SLC5A4: variants seen among roughly 807,000 people sequenced by gnomAD.
SLC5A4 encodes the protein solute carrier family 5 member 4.
A neutral mutation model predicts 70.3 loss-of-function variants in SLC5A4; 55 were observed. That is an observed-to-expected ratio of 0.78 (90% CI 0.63 to 0.98). The LOEUF is 0.98. Among genes scored for constraint, SLC5A4 ranks in the 50% least tolerant of loss-of-function variants. The pLI, the probability that SLC5A4 is intolerant of heterozygous loss-of-function variation, is 0.00. For missense variants in SLC5A4, 735 were observed against 839.2 expected (o/e 0.88, Z 1.53); for synonymous variants, 268 against 305.7 (o/e 0.88, Z 1.29).
the SLC5A4 span, among the ~76,000 whole-genome samples, chr22:32,335,883 G>A: frequency 6.6e-6 from 1 of 152,204 alleles, no homozygotes; most frequent in Non-Finnish European, 1.5e-5. Context: ...AGCAGGGAGC[G>A]AGCATCCTCC....
At chr22:32,345,838 C>T in the SLC5A4 span, among the ~76,000 whole-genome samples, 3 of 152,178 alleles carry the variant, frequency 2.0e-5, no homozygotes, top group South Asian at 2.1e-4. Context: ...GACATTTATG[C>T]GACCAGCATG....
the SLC5A4 span, among the ~76,000 whole-genome samples, chr22:32,330,129 G>A: frequency 2.3e-5 from 3 of 129,972 alleles, no homozygotes; most frequent in Non-Finnish European, 4.8e-5. Flanking sequence ...AGGCTCTGAT[G>A]TGTCAGGGGG....
the SLC5A4 span, chr22:32,271,017 C>T: frequency 1.8e-6 from 1 of 541,734 alleles, no homozygotes; most frequent in Admixed American, 2.8e-5. Context: ...GAGACTAGCC[C>T]CACAGTCGGT....
chr22:32,329,219 G>A, the SLC5A4 span, among the ~76,000 whole-genome samples: 216 of 152,304 alleles, frequency 1.4e-3, 1 homozygote, highest in African/African-American at 4.9e-3. Flanking sequence ...ACCTGGCAGA[G>A]AGGACCCCAG....
intron 14 of SLC5A4, among the ~76,000 whole-genome samples, chr22:32,219,629 G>GAAAAAA (rs1569363402): frequency 5.8e-4 from 1 of 1,710 alleles, no homozygotes; most frequent in African/African-American, 6.3e-3. Flanking sequence ...ATCCAACTTA[G>GAAAAAA]CAAAAAAAAA....
At chr22:32,245,471 C>T (rs1472723882) in intron 5 of SLC5A4, among the ~76,000 whole-genome samples, 1 of 152,178 alleles carries the variant, frequency 6.6e-6, no homozygotes, top group Non-Finnish European at 1.5e-5. Flanking sequence ...GTGCATTGTC[C>T]TCTGTTCTAT....
intron 11 of SLC5A4, among the ~76,000 whole-genome samples, chr22:32,228,107 G>A (rs748927440): frequency 1.1e-4 from 17 of 152,188 alleles, no homozygotes; most frequent in Non-Finnish European, 2.4e-4. Context: ...GAACTTCTGG[G>A]TGCTGGTAAT....
At chr22:32,268,360 G>A in the SLC5A4 span, 10 of 152,188 alleles carry the variant, frequency 6.6e-5, no homozygotes, top group East Asian at 1.9e-4. Flanking sequence ...TGAAAAACCC[G>A]TGTACCTAAG....
chr22:32,224,179 C>A lies in SLC5A4; in HGVS notation c.1665+88G>T, dbSNP rs1029207103. On this transcript the variant is annotated intron_variant, in intron 13 of 14. Transcript: ENST00000266086. ...TCGTGATCCGCCCGCCTTGGCCTCCCAAAGTGCTGGGATTACAGGCGTGAG... is the reference window on the plus strand; with the variant it reads ...TCGTGATCCGCCCGCCTTGGCCTCCAAAAGTGCTGGGATTACAGGCGTGAG... 3 of 1,027,446 alleles carry A rather than the reference C, an allele frequency of 2.9e-6. No individual in the cohort carries two copies. The Admixed American group carries it at 5.9e-5, about 20-fold the overall frequency. The allele number at this position is 1,027,446 out of a possible 1,614,324, so 63.6% of individuals were successfully genotyped here. A position where few individuals can be genotyped will look rare whatever the true frequency, so the allele number is the denominator to read the frequency against.
At chr22:32,282,610 G>A in the SLC5A4 span, among the ~76,000 whole-genome samples, 1 of 151,978 alleles carries the variant, frequency 6.6e-6, no homozygotes, top group African/African-American at 2.4e-5. Flanking sequence ...TCCCATGTAC[G>A]CCTCCAGCCT....
At chr22:32,272,922 CT>C in the SLC5A4 span, 1 of 529,262 alleles carries the variant, frequency 1.9e-6, no homozygotes, top group Non-Finnish European at 3.7e-6. Context: ...ACCTCCGCAC[CT>C]TCCGGATGCT....
At chr22:32,270,770 T>A in the SLC5A4 span, 10 of 623,288 alleles carry the variant, frequency 1.6e-5, no homozygotes, top group East Asian at 3.2e-4. Context: ...AACCCCTGCG[T>A]GGTCATCATG....
the SLC5A4 span, chr22:32,272,574 T>C: frequency 1.6e-6 from 1 of 632,408 alleles, no homozygotes; most frequent in Non-Finnish European, 2.9e-6. Context: ...CAGCGTGGAC[T>C]TCATGGTAGA....
the SLC5A4 span, among the ~76,000 whole-genome samples, chr22:32,263,426 C>T: frequency 2.0e-5 from 3 of 152,062 alleles, no homozygotes; most frequent in South Asian, 2.1e-4. Context: ...CCCATTTATG[C>T]GGCCAAGAAA....
rs73164047 is a variant in SLC5A4 at position 32,229,628 on chromosome 22, T to C, written c.1130-284A>G. On this transcript the variant is annotated intron_variant, in intron 10 of 14. Transcript: ENST00000266086. ...CTCATGGCTATAGAGAGCAGAAGGA[T>C]GGTTACCAGAGGCTGGGAAGAGTAA... Among the ~76,000 whole-genome samples the C allele has an allele frequency of 6.2e-3, 946 of 152,164 alleles. 5 individuals carry two copies. Among genetic ancestry groups the C allele is most frequent in the Non-Finnish European group, 8.9e-3 (605 of 68,002 alleles).
At chr22:32,222,625 TC>T (rs1925150535) in intron 13 of SLC5A4, among the ~76,000 whole-genome samples, 2 of 152,230 alleles carry the variant, frequency 1.3e-5, no homozygotes, top group African/African-American at 4.8e-5. Flanking sequence ...TTTCTAGTGT[TC>T]TTTCATCTAA....
At chr22:32,260,095 A>C (rs1927687078), upstream of SLC5A4, among the ~76,000 whole-genome samples, 1 of 151,958 alleles carries the variant, frequency 6.6e-6, no homozygotes, top group Non-Finnish European at 1.5e-5. Flanking sequence ...AACATTGACC[A>C]CTCTCAGAAG....
At chr22:32,323,953 G>T in the SLC5A4 span, among the ~76,000 whole-genome samples, 5 of 152,236 alleles carry the variant, frequency 3.3e-5, no homozygotes, top group African/African-American at 1.2e-4. Flanking sequence ...CCCGACTTTG[G>T]CAGAGGCCTC....
At chr22:32,332,389 T>TC in the SLC5A4 span, among the ~76,000 whole-genome samples, 1 of 151,870 alleles carries the variant, frequency 6.6e-6, no homozygotes, top group African/African-American at 2.4e-5. Flanking sequence ...ACATGCTATT[T>TC]CCAGTGCCTG....
Sources: gnomAD v4.1 joint callset for allele counts (sites outside exome capture counted in the v4.1 genomes callset) on GRCh38, gnomAD v4.1.1 for gene constraint, MANE v1.5 for transcripts, NCBI Gene and HGNC (gene_info 2026-07-23, HGNC 2026-07-21) for gene names.